HDGFL3: variants seen among roughly 807,000 people sequenced by gnomAD.
HDGFL3 encodes the protein HDGF like 3, also known as hepatoma-derived growth factor-related protein 3.
A neutral mutation model predicts 27.6 loss-of-function variants in HDGFL3; 6 were observed. The ratio of observed to expected loss-of-function variants is 0.22; its 90% confidence interval spans 0.12 to 0.43. HDGFL3 has a LOEUF of 0.43. Among genes scored for constraint, HDGFL3 ranks in the 20% least tolerant of loss-of-function variants. HDGFL3 has a pLI of 1.00. For missense variants in HDGFL3, 207 were observed against 250.1 expected (o/e 0.83, Z 1.16); for synonymous variants, 88 against 88.9 (o/e 0.99, Z 0.05).
chr15:83,165,794 C>CAAAAAAAAAAAAAAAAAAAAAAAAAAA (rs57873221), intron 1 of HDGFL3, among the ~76,000 whole-genome samples: 2 of 13,848 alleles, frequency 1.4e-4, no homozygotes, highest in Non-Finnish European at 3.6e-4. Context: ...GAATCCATCT[C>CAAAAAAAAAAAAAAAAAAAAAAAAAAA]AAAAAAAAAA....
chr15:83,177,979 A>AT (rs2037333855), intron 1 of HDGFL3, among the ~76,000 whole-genome samples: 1 of 152,252 alleles, frequency 6.6e-6, no homozygotes, highest in Admixed American at 6.5e-5. Context: ...TTGTTTATTA[A>AT]TGGGAAAAGA....
chr15:83,180,173 C>T (rs1285141931), intron 1 of HDGFL3, among the ~76,000 whole-genome samples: 1 of 151,798 alleles, frequency 6.6e-6, no homozygotes, highest in Admixed American at 6.6e-5. Context: ...TGACGATGCC[C>T]ACATTTACAC....
chr15:83,198,705 C>T (rs2037601574), intron 1 of HDGFL3, among the ~76,000 whole-genome samples: 1 of 152,140 alleles, frequency 6.6e-6, no homozygotes, highest in African/African-American at 2.4e-5. Flanking sequence ...GGAAAGTGGA[C>T]ACGTGAAAAG....
At chr15:83,193,598 C>A (rs977963303) in intron 1 of HDGFL3, among the ~76,000 whole-genome samples, 1 of 152,156 alleles carries the variant, frequency 6.6e-6, no homozygotes, top group Non-Finnish European at 1.5e-5. Flanking sequence ...AGATTGAAGA[C>A]TAGCAGAAAC....
rs186620111 is a variant in HDGFL3 at position 83,137,918 on chromosome 15, A to G, written c.*1352T>C. The G allele has an allele frequency of 3.3e-5, 5 of 152,238 alleles. No individual in the cohort carries two copies. The highest frequency in any genetic ancestry group is 3.3e-4 in the Admixed American group (5 of 15,278). 9.4% of individuals were successfully genotyped at this position (152,238 alleles called of 1,614,324 possible). A position where few individuals can be genotyped will look rare whatever the true frequency, so the allele number is the denominator to read the frequency against. On this transcript the variant is annotated 3_prime_UTR_variant, in exon 6 of 6. Coordinates refer to ENST00000299633, the MANE Select transcript of HDGFL3 (RefSeq NM_016073.4). ...AATCTAGGGTCCACTGGGCTGGTAA[A>G]TATGTAAGTGTAAGCAAATCATGTA...
intron 1 of HDGFL3, among the ~76,000 whole-genome samples, chr15:83,175,587 C>T (rs1389231510): frequency 5.3e-5 from 8 of 152,090 alleles, no homozygotes; most frequent in South Asian, 2.1e-4. Flanking sequence ...TGGCTGGGCG[C>T]GGTGGCTCAT....
intron 4 of HDGFL3, among the ~76,000 whole-genome samples, chr15:83,155,583 G>A (rs1217647729): frequency 5.3e-5 from 8 of 152,122 alleles, no homozygotes; most frequent in Non-Finnish European, 5.9e-5. Context: ...TTACTTTGTC[G>A]TCATTTGCAA....
chr15:83,122,618 CTTT>C, intron 3 of HDGFL3: 1 of 846,560 alleles, frequency 1.2e-6, no homozygotes, highest in Non-Finnish European at 1.8e-6. Flanking sequence ...TTAAATTGAC[CTTT>C]TTAATTTGGC....
chr15:83,142,183 G>GT (rs1467296492), intron 5 of HDGFL3, among the ~76,000 whole-genome samples: 1 of 152,086 alleles, frequency 6.6e-6, no homozygotes. Flanking sequence ...TATACCCAAA[G>GT]TAATATAAAT....
chr15:83,207,312 G>T lies in HDGFL3; in HGVS notation c.84+19C>A. ...GAAAATGGTGGGCGGGCGGGCCCGC[G>T]CGCGGCCGCGGTACTCACCCGGGCC... is the stretch of plus-strand genomic sequence containing the variant. On this transcript the variant is annotated intron_variant, in intron 1 of 5. Transcript: ENST00000299633. This position sits in a 1 kb window ranked among gnomAD's most constrained non-coding sequence, Gnocchi z 4.8. 1 of 1,339,140 alleles carries T rather than the reference G, an allele frequency of 7.5e-7. No individual in the cohort carries two copies. The highest frequency in any genetic ancestry group is 9.6e-7 in the Non-Finnish European group (1 of 1,038,984). 83.0% of individuals were successfully genotyped at this position (1,339,140 alleles called of 1,614,324 possible).
At chr15:83,203,945 C>G (rs1488830551) in intron 1 of HDGFL3, among the ~76,000 whole-genome samples, 1 of 149,278 alleles carries the variant, frequency 6.7e-6, no homozygotes, top group African/African-American at 2.5e-5. Flanking sequence ...AGCCTCAGTA[C>G]TTTTTAACAT....
downstream of HDGFL3, chr15:83,126,689 C>G: frequency 2.3e-6 from 3 of 1,325,516 alleles, no homozygotes; most frequent in Non-Finnish European, 3.2e-6. Flanking sequence ...GCACATTTAG[C>G]CTTATCAGCA....
At chr15:83,191,399 A>G (rs567338205) in intron 1 of HDGFL3, among the ~76,000 whole-genome samples, 1 of 152,340 alleles carries the variant, frequency 6.6e-6, no homozygotes, top group African/African-American at 2.4e-5. Flanking sequence ...AAAACATTTA[A>G]GAAGGCCTAA....
In HDGFL3 at chr15:83,202,922, G is replaced by T. The variant is rs143683163; in HGVS notation, c.84+4409C>A. On this transcript the variant is annotated intron_variant, in intron 1 of 5. Transcript: ENST00000299633. Reference sequence around the variant, plus strand: ...TCATTCTCCTGCTGATGGACATTTGGGTTGTTTCCTGTTCTATCATGAAGA... The same window carrying T: ...TCATTCTCCTGCTGATGGACATTTGTGTTGTTTCCTGTTCTATCATGAAGA... Among the ~76,000 whole-genome samples the T allele has an allele frequency of 7.6e-3, 1,151 of 152,114 alleles. 17 individuals carry two copies. Among genetic ancestry groups the T allele is most frequent in the African/African-American group, 0.027 (1,107 of 41,500 alleles).
chr15:83,127,653 C>T, downstream of HDGFL3: 1 of 629,456 alleles, frequency 1.6e-6, no homozygotes, highest in Non-Finnish European at 2.7e-6. Context: ...TTCAATCTCA[C>T]AATAACTATA....
intron 1 of HDGFL3, among the ~76,000 whole-genome samples, chr15:83,196,649 G>C (rs886146273): frequency 6.6e-6 from 1 of 152,010 alleles, no homozygotes; most frequent in Non-Finnish European, 1.5e-5. Context: ...ATTTCATTAA[G>C]TTTGAAATAG....
At chr15:83,202,004 A>C (rs1296612483) in intron 1 of HDGFL3, among the ~76,000 whole-genome samples, 1 of 152,202 alleles carries the variant, frequency 6.6e-6, no homozygotes, top group Non-Finnish European at 1.5e-5. Context: ...AAAGAACTTA[A>C]GTCCCAAATG....
At chr15:83,154,132 T>C (rs1340073586) in intron 4 of HDGFL3, among the ~76,000 whole-genome samples, 4 of 147,610 alleles carry the variant, frequency 2.7e-5, no homozygotes, top group African/African-American at 7.5e-5. Flanking sequence ...CTGGGCAACA[T>C]GATAAAATCC....
At chr15:83,171,924 A>T (rs572629333) in intron 1 of HDGFL3, among the ~76,000 whole-genome samples, 10 of 152,344 alleles carry the variant, frequency 6.6e-5, no homozygotes, top group African/African-American at 2.4e-4. Flanking sequence ...CTGTATGAAC[A>T]TGGTGGTTTC....
Sources: allele counts gnomAD v4.1 joint callset (sites outside exome capture counted in the v4.1 genomes callset), GRCh38; gene constraint gnomAD v4.1.1; non-coding constraint Gnocchi (gnomAD v3.1); transcripts MANE v1.5; gene names NCBI Gene and HGNC (gene_info 2026-07-23, HGNC 2026-07-21).